SIPA1L2: variants seen among roughly 807,000 people sequenced by gnomAD.
SIPA1L2 encodes the protein signal induced proliferation associated 1 like 2, also known as signal-induced proliferation-associated 1-like protein 2.
A neutral mutation model predicts 163.9 loss-of-function variants in SIPA1L2; 56 were observed. The observed-to-expected ratio is 0.34, with a 90% CI of 0.28 to 0.43. SIPA1L2 has a LOEUF of 0.43. Ranked by LOEUF, SIPA1L2 falls within the 20% of genes least tolerant of loss-of-function variation. The probability of loss-of-function intolerance (pLI) is 1.00; values close to 1 mark genes in which losing one functional copy is unlikely to be tolerated. For missense variants in SIPA1L2, 1,974 were observed against 2,193.5 expected, an observed-to-expected ratio of 0.90 and a Z score of 2.00; for synonymous variants, 877 against 865.7, an observed-to-expected ratio of 1.01 and a Z score of -0.23.
intron 3 of SIPA1L2, among the ~76,000 whole-genome samples, chr1:232,512,081 T>C (rs1391470404): frequency 7.2e-5 from 11 of 152,180 alleles, no homozygotes; most frequent in African/African-American, 2.4e-4. Flanking sequence ...CAGACACTTC[T>C]CAAAAGAAGA....
chr1:232,623,665 G>C (rs1040304242), intron 1 of SIPA1L2, among the ~76,000 whole-genome samples: 1 of 152,026 alleles, frequency 6.6e-6, no homozygotes, highest in Non-Finnish European at 1.5e-5. Flanking sequence ...AACTTTCTAA[G>C]GAGAATAGCA....
intron 19 of SIPA1L2, among the ~76,000 whole-genome samples, chr1:232,412,371 G>A (rs1174835027): frequency 6.6e-6 from 1 of 152,168 alleles, no homozygotes; most frequent in Non-Finnish European, 1.5e-5. Flanking sequence ...TAGGGGCACA[G>A]GATTATTCCA....
At chr1:232,503,999 T>G (rs898057426) in intron 3 of SIPA1L2, among the ~76,000 whole-genome samples, 2 of 152,150 alleles carry the variant, frequency 1.3e-5, no homozygotes, top group African/African-American at 2.4e-5. Flanking sequence ...GAGATCAGTC[T>G]GGGCATCACT....
At chr1:232,452,617 C>T (rs1476119985) in intron 10 of SIPA1L2, among the ~76,000 whole-genome samples, 1 of 152,206 alleles carries the variant, frequency 6.6e-6, no homozygotes, top group Admixed American at 6.5e-5. Flanking sequence ...GCTGGCCAGG[C>T]TATGGACTTG....
rs764509027 is a variant in SIPA1L2, at chr1:232,514,060, G to A, written c.1280C>T (p.Ser427Phe). 2 of 1,614,096 alleles carry A rather than the reference G, an allele frequency of 1.2e-6. No homozygotes were observed. Among genetic ancestry groups the A allele is most frequent in the African/African-American group, 1.3e-5 (1 of 74,938 alleles). ...ACTGAAAGAGGATGAGTTGGCTCGA[G>A]AGAGCGCAATCCGCCTGTCGCCTTC... is the stretch of plus-strand genomic sequence containing the variant. ...GGEGDRRIAL[S>F]RANSSSFSSG... is the part of the protein sequence containing the mutation. Residue 427 changes from serine to phenylalanine, a missense_variant, in exon 3 of 23, where the codon TCT becomes TTT. Physicochemically the swap from Ser to Phe is radical, Grantham distance 155. This residue lies in a region of SIPA1L2 where 607 missense variants were observed against 624.0 expected (regional missense o/e 0.97). Transcript: ENST00000674635.
intron 6 of SIPA1L2, among the ~76,000 whole-genome samples, chr1:232,483,206 C>T (rs1005050116): frequency 1.3e-5 from 2 of 151,260 alleles, no homozygotes; most frequent in African/African-American, 2.4e-5. Context: ...GTGTCCCACT[C>T]AAGGGGATCT....
intron 1 of SIPA1L2, among the ~76,000 whole-genome samples, chr1:232,596,019 A>G (rs1039747487): frequency 6.6e-6 from 1 of 152,122 alleles, no homozygotes; most frequent in Non-Finnish European, 1.5e-5. Flanking sequence ...TCTTTTCAAA[A>G]CTGTTCAGCC....
intron 9 of SIPA1L2, among the ~76,000 whole-genome samples, chr1:232,463,049 A>G (rs563622745): frequency 1.7e-4 from 26 of 152,202 alleles, no homozygotes; most frequent in Middle Eastern, 3.4e-3. Context: ...TGGGGCCACA[A>G]GAAAAATCAA....
chr1:232,629,995 G>A lies in SIPA1L2; in HGVS notation c.-445C>T, dbSNP rs1226415111. 1.3e-5 allele frequency among the ~76,000 whole-genome samples: 2 copies of A among 150,450 alleles called. No homozygotes were observed. Among genetic ancestry groups the A allele is most frequent in the Admixed American group, 6.6e-5 (1 of 15,132 alleles). On this transcript the variant is annotated 5_prime_UTR_variant, in exon 1 of 23. Coordinates refer to ENST00000674635, the MANE Select transcript of SIPA1L2 (RefSeq NM_020808.5). ...TCGGCCCGGACTCTCCCCGCGCCGG[G>A]CTCCGGCGGAGGCGGCCCGGACCCG...
intron 2 of SIPA1L2, among the ~76,000 whole-genome samples, chr1:232,527,636 A>G (rs1277343797): frequency 1.3e-5 from 2 of 152,112 alleles, no homozygotes; most frequent in Non-Finnish European, 2.9e-5. Flanking sequence ...GAAGAAAAAA[A>G]GGAAAAAAGA....
chr1:232,522,308 T>G (rs1277973688), intron 2 of SIPA1L2, among the ~76,000 whole-genome samples: 1 of 152,148 alleles, frequency 6.6e-6, no homozygotes, highest in East Asian at 1.9e-4. Context: ...CCACCCTCCA[T>G]GCTCCCATGT....
At chr1:232,565,245 T>C (rs1303026703) in intron 2 of SIPA1L2, among the ~76,000 whole-genome samples, 2 of 152,230 alleles carry the variant, frequency 1.3e-5, no homozygotes, top group Non-Finnish European at 2.9e-5. Context: ...ATCTGACACC[T>C]TGGATGGCAA....
chr1:232,474,171 C>T (rs112474700), intron 7 of SIPA1L2, among the ~76,000 whole-genome samples: 36 of 152,150 alleles, frequency 2.4e-4, no homozygotes, highest in African/African-American at 7.7e-4. Flanking sequence ...ATGACATCTT[C>T]TGGGGCGAAC....
chr1:232,517,462 G>T (rs141341995), intron 2 of SIPA1L2, among the ~76,000 whole-genome samples: 11 of 152,290 alleles, frequency 7.2e-5, no homozygotes, highest in African/African-American at 2.6e-4. Context: ...CCACAGGGAA[G>T]CTCTGAGTTT....
At position 232,509,975 on chromosome 1, in the gene SIPA1L2, G is replaced by C. The variant is rs572126454; in HGVS notation, c.1483+3882C>G. 3.3e-5 allele frequency among the ~76,000 whole-genome samples: 5 copies of C among 152,264 alleles called. No individual in the cohort carries two copies. The South Asian group carries it at 1.0e-3, about 32-fold the overall frequency. On this transcript the variant is annotated intron_variant, in intron 3 of 22. Transcript: ENST00000674635. Reference sequence around the variant, plus strand: ...GCACCTTCCACAGCACAGAATCACAGAACACTGAAGACAAAGTGACCTCAC... The same window carrying C: ...GCACCTTCCACAGCACAGAATCACACAACACTGAAGACAAAGTGACCTCAC...
chr1:232,403,577 G>A lies in SIPA1L2; in HGVS notation c.4817-6C>T, dbSNP rs767397647. Reference sequence around the variant, plus strand: ...GAAGGATGCCACCCTCTGGTCTGGGGAGGGGAGAAACACACACAGAAAGAA... The same window carrying A: ...GAAGGATGCCACCCTCTGGTCTGGGAAGGGGAGAAACACACACAGAAAGAA... On this transcript the variant is annotated splice_polypyrimidine_tract_variant and splice_region_variant and intron_variant, in intron 20 of 22. Coordinates refer to ENST00000674635, the MANE Select transcript of SIPA1L2 (RefSeq NM_020808.5). 6.2e-7 allele frequency: 1 copy of A among 1,610,258 alleles called. No homozygotes were observed. Among genetic ancestry groups the A allele is most frequent in the Non-Finnish European group, 8.5e-7 (1 of 1,178,304 alleles).
intron 2 of SIPA1L2, among the ~76,000 whole-genome samples, chr1:232,539,652 G>A (rs1657522836): frequency 6.6e-6 from 1 of 152,100 alleles, no homozygotes; most frequent in Non-Finnish European, 1.5e-5. Context: ...AACTGACCTG[G>A]AGAGCAGCTC....
intron 2 of SIPA1L2, among the ~76,000 whole-genome samples, chr1:232,524,586 T>A (rs899395447): frequency 6.6e-6 from 1 of 152,016 alleles, no homozygotes; most frequent in Non-Finnish European, 1.5e-5. Flanking sequence ...CATCCAAAAC[T>A]ACAAGAATGA....
intron 2 of SIPA1L2, among the ~76,000 whole-genome samples, chr1:232,561,086 C>T (rs898425969): frequency 7.9e-5 from 12 of 152,172 alleles, no homozygotes; most frequent in Non-Finnish European, 1.5e-4. Flanking sequence ...ACATTCCCAC[C>T]GTCTACCAGT....
Sources: allele counts gnomAD v4.1 joint callset (sites outside exome capture counted in the v4.1 genomes callset), GRCh38; gene constraint gnomAD v4.1.1; regional missense constraint gnomAD v4.1.1; transcripts MANE v1.5; gene names NCBI Gene and HGNC (gene_info 2026-07-23, HGNC 2026-07-21).